The following RBFOX3 variants were observed in gnomAD, a reference collection of about 807,000 sequenced individuals.
RBFOX3 encodes RNA binding fox-1 homolog 3, also known as RNA binding protein fox-1 homolog 3.
A neutral mutation model predicts 48.7 loss-of-function variants in RBFOX3; 17 were observed. The ratio of observed to expected loss-of-function variants is 0.35; its 90% CI spans 0.24 to 0.52. The LOEUF (loss-of-function observed/expected upper bound fraction) is 0.52, where lower values mean the gene tolerates loss of function less well. Ranked by LOEUF, RBFOX3 falls within the 20% of genes least tolerant of loss-of-function variation. The pLI, the probability that RBFOX3 is intolerant of heterozygous loss-of-function variation, is 0.94. For missense variants in RBFOX3, 382 were observed against 497.5 expected (o/e 0.77, Z 2.21); for synonymous variants, 212 against 209.5 (o/e 1.01, Z -0.10).
At position 79,487,542 on chromosome 17, in the gene RBFOX3, G is replaced by A. The variant is rs184252581; in HGVS notation, c.-319-4944C>T. Among the ~76,000 whole-genome samples the A allele has an allele frequency of 9.4e-3, 1,432 of 152,314 alleles. 19 individuals carry two copies. Among genetic ancestry groups the A allele is most frequent in the Middle Eastern group, 0.027 (8 of 294 alleles). On this transcript the variant is annotated intron_variant, in intron 1 of 14. Transcript: ENST00000693108. ...TGTTTGCTCACTATCGTGCCCCAGC[G>A]CCTGGCCAATGCTGGCACACAGTAG...
intron 1 of RBFOX3, among the ~76,000 whole-genome samples, chr17:79,506,463 C>T (rs1350377377): frequency 6.6e-6 from 1 of 152,218 alleles, no homozygotes; most frequent in African/African-American, 2.4e-5. Context: ...TGGGTGACCT[C>T]CACACTCCCA....
chr17:79,390,894 G>A lies in RBFOX3; in HGVS notation c.-174-83070C>T, dbSNP rs1035525773. Among the ~76,000 whole-genome samples the A allele has an allele frequency of 2.6e-5, 4 of 152,178 alleles. No homozygotes were observed. Among genetic ancestry groups the A allele is most frequent in the Admixed American group, 6.5e-5 (1 of 15,294 alleles). ...CCAGACACCTCGGGATGAGCCCCTG[G>A]TGGGACTGCTCGGGTGCCGGCAGGG... On this transcript the variant is annotated intron_variant, in intron 2 of 14. Coordinates refer to ENST00000693108, the MANE Select transcript of RBFOX3 (RefSeq NM_001350451.2). The surrounding 1 kb of genome is among the most constrained non-coding windows in gnomAD (Gnocchi z 4.2).
At chr17:79,464,515 C>A (rs181883278) in intron 2 of RBFOX3, among the ~76,000 whole-genome samples, 2 of 152,298 alleles carry the variant, frequency 1.3e-5, no homozygotes, top group Admixed American at 6.5e-5. Flanking sequence ...GCGACAGATT[C>A]CCCCGCAGAC....
intron 2 of RBFOX3, among the ~76,000 whole-genome samples, chr17:79,365,283 G>A (rs2057575520): frequency 6.6e-6 from 1 of 152,164 alleles, no homozygotes; most frequent in Non-Finnish European, 1.5e-5. Context: ...GCAGAAGTGG[G>A]AGGGATGACT....
intron 2 of RBFOX3, among the ~76,000 whole-genome samples, chr17:79,339,929 G>C (rs143052203): frequency 2.0e-5 from 3 of 152,340 alleles, no homozygotes; most frequent in Non-Finnish European, 4.4e-5. Flanking sequence ...CAAACAGCTA[G>C]CAGAGAAGCA....
Position 79,195,563 on chromosome 17 carries a change from G to A in RBFOX3, c.-34+40203C>T, listed in dbSNP as rs2055414552. ...AAGGGTCTGCTCCATTTCAGTCTAC[G>A]TTTCTTGGTTTCTGTCTGCTCTATC... On this transcript the variant is annotated intron_variant, in intron 4 of 14. Transcript: ENST00000693108. The surrounding 1 kb of genome is among the most constrained non-coding windows in gnomAD (Gnocchi z 5.3). Among the ~76,000 whole-genome samples, 1 of 152,208 alleles carries A rather than the reference G, an allele frequency of 6.6e-6. No homozygotes were observed. The highest frequency in any genetic ancestry group is 6.5e-5 in the Admixed American group (1 of 15,288).
chr17:79,119,740 C>A (rs1272108140), intron 4 of RBFOX3, among the ~76,000 whole-genome samples: 4 of 152,170 alleles, frequency 2.6e-5, no homozygotes, highest in Non-Finnish European at 5.9e-5. Context: ...GGGTGACAAG[C>A]AATATCCCTG....
At chr17:79,365,496 A>G (rs11651690) in intron 2 of RBFOX3, among the ~76,000 whole-genome samples, 19,947 of 152,350 alleles carry the variant, frequency 0.13, 1,827 homozygotes, top group Non-Finnish European at 0.2. Flanking sequence ...CTTAATTCCA[A>G]TGTGCTCTAG....
At chr17:79,545,181 G>C (rs999142314) in intron 1 of RBFOX3, among the ~76,000 whole-genome samples, 2 of 152,166 alleles carry the variant, frequency 1.3e-5, no homozygotes, top group Non-Finnish European at 2.9e-5. Flanking sequence ...AGTCCACGTA[G>C]ATCCTTGTGC....
intron 2 of RBFOX3, among the ~76,000 whole-genome samples, chr17:79,425,913 C>T: frequency 6.6e-6 from 1 of 152,158 alleles, no homozygotes; most frequent in South Asian, 2.1e-4. Flanking sequence ...GGGCACCAGG[C>T]CTGCGCCTGG....
In RBFOX3 at chr17:79,213,664, C is replaced by T. The variant is rs998762504; in HGVS notation, c.-34+22102G>A. 3.9e-5 allele frequency among the ~76,000 whole-genome samples: 6 copies of T among 152,332 alleles called. No individual in the cohort carries two copies. The South Asian group carries it at 6.2e-4, about 16-fold the overall frequency. The stretch of plus-strand genomic sequence containing the variant: ...TGTCCTGAGCCTTCCCCGGGGACTG[C>T]GACCATTAGGGGCACTTTGCACCTA... On this transcript the variant is annotated intron_variant, in intron 4 of 14. Coordinates refer to ENST00000693108, the MANE Select transcript of RBFOX3 (RefSeq NM_001350451.2).
intron 2 of RBFOX3, among the ~76,000 whole-genome samples, chr17:79,368,751 G>A (rs569737302): frequency 2.8e-4 from 43 of 152,334 alleles, no homozygotes; most frequent in South Asian, 1.0e-3. Context: ...ACGGGTGTCC[G>A]GGAGGTTGAT....
At chr17:79,494,121 TA>T (rs1189897690) in intron 1 of RBFOX3, among the ~76,000 whole-genome samples, 2 of 152,136 alleles carry the variant, frequency 1.3e-5, no homozygotes, top group Non-Finnish European at 2.9e-5. Context: ...CATAAATAAA[TA>T]AATAGTAATT....
chr17:79,595,691 C>T (rs2093552037), intron 1 of RBFOX3, among the ~76,000 whole-genome samples: 3 of 152,162 alleles, frequency 2.0e-5, no homozygotes, highest in East Asian at 1.9e-4. Context: ...CTAAGCCAGC[C>T]GCCAAGTCAC....
chr17:79,419,481 A>G (rs557649951), intron 2 of RBFOX3, among the ~76,000 whole-genome samples: 1 of 152,190 alleles, frequency 6.6e-6, no homozygotes, highest in Non-Finnish European at 1.5e-5. Flanking sequence ...AGTGCTCACA[A>G]TGGTTGCCTG....
At chr17:79,339,686 C>T (rs1336854121) in intron 2 of RBFOX3, among the ~76,000 whole-genome samples, 1 of 152,218 alleles carries the variant, frequency 6.6e-6, no homozygotes, top group African/African-American at 2.4e-5. Context: ...AAGAGCTGTG[C>T]TGGGAGACGA....
chr17:79,664,756 C>A, the RBFOX3 span, among the ~76,000 whole-genome samples: 7 of 152,036 alleles, frequency 4.6e-5, no homozygotes, highest in African/African-American at 1.7e-4. Flanking sequence ...CAATTCTGTC[C>A]CCATTAGATG....
intron 4 of RBFOX3, among the ~76,000 whole-genome samples, chr17:79,174,073 G>A (rs534123117): frequency 6.5e-4 from 99 of 152,182 alleles, no homozygotes; most frequent in African/African-American, 2.0e-3. Context: ...AGAGGAAAAC[G>A]GCGAGCGTCT....
rs189858055 is a variant in RBFOX3, at chr17:79,363,085, G to A, written c.-174-55261C>T. Among the ~76,000 whole-genome samples the A allele has an allele frequency of 4.6e-5, 7 of 152,312 alleles. No individual in the cohort carries two copies. The East Asian group carries it at 1.4e-3, about 29-fold the overall frequency. On this transcript the variant is annotated intron_variant, in intron 2 of 14. Transcript: ENST00000693108. The surrounding 1 kb of genome is among the most constrained non-coding windows in gnomAD (Gnocchi z 4.7). ...TCAGAGGCATGACGCTTGCACATGC[G>A]AGGTTTCTGGGCCATAGTGAGCCGC...
Sources: gnomAD v4.1 joint callset for allele counts (sites outside exome capture counted in the v4.1 genomes callset) on GRCh38, gnomAD v4.1.1 for gene constraint, Gnocchi (gnomAD v3.1) non-coding constraint, MANE v1.5 for transcripts, NCBI Gene and HGNC (gene_info 2026-07-23, HGNC 2026-07-21) for gene names.